RABGAP1L: variants seen among roughly 807,000 people sequenced by gnomAD.
RABGAP1L encodes rab GTPase-activating protein 1-like.
In RABGAP1L, 63 loss-of-function variants were observed where a neutral mutation model predicts 137.7. That is an observed-to-expected ratio of 0.46 (90% CI 0.37 to 0.56). The LOEUF is 0.56. Among genes scored for constraint, RABGAP1L ranks in the 20% least tolerant of loss-of-function variants. RABGAP1L has a pLI of 0.00. For missense variants in RABGAP1L, 1,095 were observed against 1,244.0 expected, an observed-to-expected ratio of 0.88 and a Z score of 1.80; for synonymous variants, 431 against 433.7, an observed-to-expected ratio of 0.99 and a Z score of 0.08.
intron 19 of RABGAP1L, among the ~76,000 whole-genome samples, chr1:174,850,886 T>C (rs1648198121): frequency 6.6e-6 from 1 of 152,208 alleles, no homozygotes; most frequent in Non-Finnish European, 1.5e-5. Flanking sequence ...CAATAGCTGC[T>C]TTGAAAGTGG....
intron 7 of RABGAP1L, among the ~76,000 whole-genome samples, chr1:174,265,621 T>C (rs1403213119): frequency 6.6e-6 from 1 of 152,038 alleles, no homozygotes; most frequent in Non-Finnish European, 1.5e-5. Flanking sequence ...TGACCCTTTA[T>C]TAATGTGAGA....
chr1:174,871,909 G>A (rs915081290), intron 19 of RABGAP1L, among the ~76,000 whole-genome samples: 5 of 152,140 alleles, frequency 3.3e-5, no homozygotes, highest in African/African-American at 4.8e-5. Context: ...ACAAGCACTT[G>A]AAACATTTAC....
At chr1:174,894,212 C>T (rs1656754902) in intron 19 of RABGAP1L, among the ~76,000 whole-genome samples, 1 of 152,218 alleles carries the variant, frequency 6.6e-6, no homozygotes, top group Non-Finnish European at 1.5e-5. Flanking sequence ...ACAGTGCTCT[C>T]CAACCTAACA....
rs191339084 is a variant in RABGAP1L at position 174,618,510 on chromosome 1, C to G, written c.1711-18865C>G. ...AATATCTGCTGTTCTGCAGCCACCACTGCTGATACCCAGGCAAACAGGGAC... is the reference window on the plus strand; with the variant it reads ...AATATCTGCTGTTCTGCAGCCACCAGTGCTGATACCCAGGCAAACAGGGAC... On this transcript the variant is annotated intron_variant, in intron 13 of 25. Transcript: ENST00000681986. Among the ~76,000 whole-genome samples, 413 of 152,328 alleles carry G rather than the reference C, an allele frequency of 2.7e-3. 4 individuals are homozygous for G. The highest frequency in any genetic ancestry group is 9.5e-3 in the African/African-American group (395 of 41,568).
intron 11 of RABGAP1L, among the ~76,000 whole-genome samples, chr1:174,336,549 C>G (rs181997311): frequency 8.5e-5 from 13 of 152,176 alleles, no homozygotes; most frequent in Non-Finnish European, 1.5e-4. Context: ...GCTTTTTAAA[C>G]TTTAAATGTG....
intron 19 of RABGAP1L, among the ~76,000 whole-genome samples, chr1:174,832,157 G>A (rs1405001113): frequency 1.4e-5 from 2 of 146,778 alleles, no homozygotes; most frequent in Non-Finnish European, 3.0e-5. Context: ...GCCAGGTGTG[G>A]TGTCAGGCAC....
chr1:174,497,606 T>G (rs1660861345), intron 13 of RABGAP1L, among the ~76,000 whole-genome samples: 1 of 152,152 alleles, frequency 6.6e-6, no homozygotes, highest in Non-Finnish European at 1.5e-5. Flanking sequence ...GCCTGAGGTC[T>G]TTCTGGCACA....
intron 13 of RABGAP1L, among the ~76,000 whole-genome samples, chr1:174,445,659 T>A (rs1182523682): frequency 6.6e-6 from 1 of 152,212 alleles, no homozygotes; most frequent in Non-Finnish European, 1.5e-5. Context: ...TTAGTAGTCA[T>A]ATCACTTTAG....
At chr1:174,441,640 A>G (rs1435451541) in intron 13 of RABGAP1L, among the ~76,000 whole-genome samples, 1 of 152,166 alleles carries the variant, frequency 6.6e-6, no homozygotes, top group African/African-American at 2.4e-5. Context: ...AGGCTGAAGC[A>G]GGAGAATTGC....
chr1:174,527,901 C>CTTTTTTT (rs57707616), intron 13 of RABGAP1L, among the ~76,000 whole-genome samples: 2 of 124,778 alleles, frequency 1.6e-5, no homozygotes, highest in Admixed American at 8.0e-5. Flanking sequence ...ATATACTTGT[C>CTTTTTTT]TTTTTTTTTT....
chr1:174,414,412 G>A (rs1436746903), intron 13 of RABGAP1L, among the ~76,000 whole-genome samples: 2 of 151,976 alleles, frequency 1.3e-5, no homozygotes, highest in Non-Finnish European at 2.9e-5. Context: ...TCGGTTGTAT[G>A]ACTTTTAGTT....
intron 13 of RABGAP1L, among the ~76,000 whole-genome samples, chr1:174,435,582 G>A (rs967546496): frequency 1.3e-5 from 2 of 152,014 alleles, no homozygotes; most frequent in African/African-American, 4.8e-5. Flanking sequence ...GACCATATAA[G>A]TGTGGGTTTA....
chr1:174,966,300 A>G (rs974049042), intron 20 of RABGAP1L, among the ~76,000 whole-genome samples: 5 of 152,220 alleles, frequency 3.3e-5, no homozygotes, highest in African/African-American at 7.2e-5. Context: ...AGGAATACCT[A>G]TTGAAGTAGT....
At chr1:174,711,179 G>A (rs1409873263) in intron 17 of RABGAP1L, among the ~76,000 whole-genome samples, 2 of 151,884 alleles carry the variant, frequency 1.3e-5, no homozygotes, top group African/African-American at 4.8e-5. Flanking sequence ...ACGCTGGCCC[G>A]CAAGTGCCAT....
intron 11 of RABGAP1L, among the ~76,000 whole-genome samples, chr1:174,313,079 C>G (rs1323979534): frequency 1.3e-5 from 2 of 152,096 alleles, no homozygotes; most frequent in Admixed American, 6.6e-5. Flanking sequence ...AGGTGCCCAC[C>G]ACCACGCCTG....
At chr1:174,297,635 G>T (rs965930155) in intron 10 of RABGAP1L, among the ~76,000 whole-genome samples, 1 of 152,136 alleles carries the variant, frequency 6.6e-6, no homozygotes, top group African/African-American at 2.4e-5. Context: ...CTGATAGGGG[G>T]TGCTGTTTTG....
At chr1:174,273,155 T>C (rs1674693370) in intron 8 of RABGAP1L, among the ~76,000 whole-genome samples, 1 of 152,050 alleles carries the variant, frequency 6.6e-6, no homozygotes, top group South Asian at 2.1e-4. Flanking sequence ...AATTCTTATA[T>C]TTAGTGATAA....
chr1:174,540,628 G>C (rs1018089569), intron 13 of RABGAP1L, among the ~76,000 whole-genome samples: 1 of 152,178 alleles, frequency 6.6e-6, no homozygotes, highest in East Asian at 1.9e-4. Context: ...ATTTCTGAGG[G>C]CTCTGTTCTG....
At chr1:174,640,954 TA>T (rs1302055966) in intron 14 of RABGAP1L, among the ~76,000 whole-genome samples, 1 of 142,030 alleles carries the variant, frequency 7.0e-6, no homozygotes, top group Non-Finnish European at 1.5e-5. Flanking sequence ...TATAATATAA[TA>T]TATTATATTT....
Sources: allele counts gnomAD v4.1 joint callset (sites outside exome capture counted in the v4.1 genomes callset), GRCh38; gene constraint gnomAD v4.1.1; transcripts MANE v1.5; gene names NCBI Gene and HGNC (gene_info 2026-07-23, HGNC 2026-07-21).